The following SGCD variants were observed in gnomAD, a reference collection of about 807,000 sequenced individuals.
SGCD encodes the protein delta-sarcoglycan.
A neutral mutation model predicts 36.6 loss-of-function variants in SGCD; 18 were observed. That is an observed-to-expected ratio of 0.49 (90% CI 0.34 to 0.73). The LOEUF (loss-of-function observed/expected upper bound fraction) is 0.73. SGCD is among the 30% of genes least tolerant of loss of function. The pLI, the probability that SGCD is intolerant of heterozygous loss-of-function variation, is 0.01. For synonymous variants in SGCD, 133 were observed against 130.6 expected (o/e 1.02, Z -0.12); for missense variants, 387 against 346.7 (o/e 1.12, Z -0.92).
intron 3 of SGCD, among the ~76,000 whole-genome samples, chr5:156,229,110 T>C (rs1413192507): frequency 6.6e-6 from 1 of 151,304 alleles, no homozygotes; most frequent in Admixed American, 6.6e-5. Context: ...CCCTCAAACA[T>C]TGGACTTCAA....
chr5:155,809,331 G>T, the SGCD span, among the ~76,000 whole-genome samples: 1 of 152,188 alleles, frequency 6.6e-6, no homozygotes, highest in Admixed American at 6.5e-5. Context: ...CTAAAAGAGC[G>T]AGGACAGAAC....
At chr5:156,611,398 C>G (rs141055935) in intron 6 of SGCD, among the ~76,000 whole-genome samples, 28 of 152,246 alleles carry the variant, frequency 1.8e-4, no homozygotes, top group Admixed American at 3.3e-4. Context: ...TTTTGGCTGA[C>G]AGTTATTATC....
At chr5:155,899,042 G>T (rs1051929785) in intron 1 of SGCD, among the ~76,000 whole-genome samples, 1 of 152,180 alleles carries the variant, frequency 6.6e-6, no homozygotes, top group Admixed American at 6.5e-5. Context: ...AAAGCTCCAC[G>T]CATTTGAGGA....
intron 3 of SGCD, among the ~76,000 whole-genome samples, chr5:156,182,047 A>G (rs936874917): frequency 6.6e-6 from 1 of 152,220 alleles, no homozygotes; most frequent in Non-Finnish European, 1.5e-5. Flanking sequence ...GCTATTTTCT[A>G]GGAGCACAGG....
chr5:156,247,134 T>C (rs906343547), intron 3 of SGCD, among the ~76,000 whole-genome samples: 1 of 152,180 alleles, frequency 6.6e-6, no homozygotes, highest in African/African-American at 2.4e-5. Flanking sequence ...CTGGAAAGAA[T>C]AAGAAATTAG....
At chr5:156,348,830 C>T (rs1424448799) in intron 3 of SGCD, among the ~76,000 whole-genome samples, 1 of 152,096 alleles carries the variant, frequency 6.6e-6, no homozygotes, top group Non-Finnish European at 1.5e-5. Flanking sequence ...CTGAAGGCAT[C>T]ACATTACCGG....
intron 1 of SGCD, among the ~76,000 whole-genome samples, chr5:155,940,408 G>A (rs1757297848): frequency 6.6e-6 from 1 of 152,156 alleles, no homozygotes; most frequent in Non-Finnish European, 1.5e-5. Flanking sequence ...ACATATTCTA[G>A]ATGTGTGAGC....
intron 7 of SGCD, among the ~76,000 whole-genome samples, chr5:156,725,448 C>T (rs2113791627): frequency 6.6e-6 from 1 of 152,298 alleles, no homozygotes; most frequent in Non-Finnish European, 1.5e-5. Context: ...ACTACTTCAG[C>T]CAGCTTATGG....
At chr5:156,256,340 C>G (rs1765716709) in intron 3 of SGCD, among the ~76,000 whole-genome samples, 1 of 152,130 alleles carries the variant, frequency 6.6e-6, no homozygotes, top group South Asian at 2.1e-4. Flanking sequence ...TCCAGTTGTC[C>G]CACCTCTCCC....
At chr5:156,557,806 T>A (rs1759089222) in intron 4 of SGCD, among the ~76,000 whole-genome samples, 1 of 152,040 alleles carries the variant, frequency 6.6e-6, no homozygotes, top group Non-Finnish European at 1.5e-5. Context: ...CCTCCTCTTA[T>A]ATTGTGGGCA....
intron 6 of SGCD, among the ~76,000 whole-genome samples, chr5:156,623,735 C>G (rs541063427): frequency 2.1e-4 from 32 of 152,290 alleles, no homozygotes; most frequent in South Asian, 1.0e-3. Flanking sequence ...TGCAGGGTGC[C>G]TATGAGCTAT....
chr5:156,534,658 G>T (rs1029747566), intron 4 of SGCD, among the ~76,000 whole-genome samples: 1 of 152,188 alleles, frequency 6.6e-6, no homozygotes, highest in African/African-American at 2.4e-5. Flanking sequence ...TTTAAAGTCA[G>T]ACAAAACTGT....
the SGCD span, among the ~76,000 whole-genome samples, chr5:155,838,775 C>G: frequency 8.5e-6 from 1 of 118,316 alleles, no homozygotes; most frequent in Admixed American, 8.5e-5. Flanking sequence ...AAGAGATTTG[C>G]AAAAAAAAAA....
intron 7 of SGCD, among the ~76,000 whole-genome samples, chr5:156,657,742 T>C (rs556882458): frequency 7.9e-5 from 12 of 151,710 alleles, no homozygotes; most frequent in African/African-American, 2.9e-4. Flanking sequence ...CTGTGGGTGT[T>C]TCTCGTAAGG....
intron 3 of SGCD, among the ~76,000 whole-genome samples, chr5:156,392,252 G>C (rs548758023): frequency 6.6e-6 from 1 of 152,340 alleles, no homozygotes; most frequent in Non-Finnish European, 1.5e-5. Flanking sequence ...CAGAAATAAA[G>C]TGGTGAAGAA....
chr5:156,543,415 G>A (rs1758432197), intron 4 of SGCD, among the ~76,000 whole-genome samples: 1 of 152,160 alleles, frequency 6.6e-6, no homozygotes, highest in Admixed American at 6.6e-5. Context: ...CCCTTTCCTG[G>A]TAGTAAGGCA....
intron 7 of SGCD, among the ~76,000 whole-genome samples, chr5:156,650,423 C>T (rs565344535): frequency 3.9e-5 from 6 of 152,128 alleles, no homozygotes; most frequent in Non-Finnish European, 8.8e-5. Context: ...GTTTGGAGTA[C>T]GAATGATCCG....
chr5:156,731,998 T>A (rs2113808862), intron 7 of SGCD, among the ~76,000 whole-genome samples: 1 of 152,164 alleles, frequency 6.6e-6, no homozygotes, highest in South Asian at 2.1e-4. Flanking sequence ...TTTTGCACAC[T>A]GATTTTGTAT....
intron 4 of SGCD, among the ~76,000 whole-genome samples, chr5:156,584,071 C>T (rs1760392836): frequency 6.6e-6 from 1 of 152,158 alleles, no homozygotes; most frequent in Non-Finnish European, 1.5e-5. Flanking sequence ...CGTTTTCTTA[C>T]ATCAAAATTA....
Sources: gnomAD v4.1 joint callset for allele counts (sites outside exome capture counted in the v4.1 genomes callset) on GRCh38, gnomAD v4.1.1 for gene constraint, MANE v1.5 for transcripts, NCBI Gene and HGNC (gene_info 2026-07-23, HGNC 2026-07-21) for gene names.